HECW1: variants seen among roughly 807,000 people sequenced by gnomAD.
HECW1 encodes E3 ubiquitin-protein ligase HECW1.
A neutral mutation model predicts 182.3 loss-of-function variants in HECW1; 61 were observed. The ratio of observed to expected loss-of-function variants is 0.33; its 90% CI spans 0.27 to 0.41. The LOEUF (loss-of-function observed/expected upper bound fraction) is 0.41, where lower values mean the gene tolerates loss of function less well. Among genes scored for constraint, HECW1 ranks in the 10% least tolerant of loss-of-function variants. HECW1 has a pLI of 1.00. For synonymous variants in HECW1, 859 were observed against 832.6 expected, an observed-to-expected ratio of 1.03 and a Z score of -0.55; for missense variants, 1,739 against 2,108.9, an observed-to-expected ratio of 0.82 and a Z score of 3.44.
At chr7:43,196,561 G>T (rs1794477754) in intron 2 of HECW1, among the ~76,000 whole-genome samples, 1 of 152,222 alleles carries the variant, frequency 6.6e-6, no homozygotes, top group African/African-American at 2.4e-5. Context: ...GAGGGTAACT[G>T]CATATGCATG....
chr7:43,391,895 G>A (rs1303777189), intron 6 of HECW1, among the ~76,000 whole-genome samples: 1 of 152,054 alleles, frequency 6.6e-6, no homozygotes, highest in African/African-American at 2.4e-5. Flanking sequence ...TTTTAGTTTT[G>A]TTTCTTGCTC....
chr7:43,535,704 G>A (rs6972237), intron 24 of HECW1, among the ~76,000 whole-genome samples: 4,440 of 152,294 alleles, frequency 0.029, 218 homozygotes, highest in African/African-American at 0.1. Context: ...GTACTGTACC[G>A]TGGTGGGAAC....
chr7:43,499,013 G>T (rs2079226117), intron 19 of HECW1, among the ~76,000 whole-genome samples: 1 of 152,104 alleles, frequency 6.6e-6, no homozygotes, highest in African/African-American at 2.4e-5. Context: ...AGGCTCAGTG[G>T]CTAAAGCCTG....
intron 3 of HECW1, among the ~76,000 whole-genome samples, chr7:43,280,380 T>C (rs993800516): frequency 6.6e-6 from 1 of 152,152 alleles, no homozygotes; most frequent in African/African-American, 2.4e-5. Context: ...AAATTTACTC[T>C]AGGAAATAGC....
intron 2 of HECW1, among the ~76,000 whole-genome samples, chr7:43,232,177 T>A (rs893563741): frequency 6.6e-6 from 1 of 152,038 alleles, no homozygotes; most frequent in African/African-American, 2.4e-5. Context: ...CCTGGTTGAT[T>A]GGGATAGTTT....
intron 2 of HECW1, among the ~76,000 whole-genome samples, chr7:43,190,657 A>G (rs573406553): frequency 7.2e-5 from 11 of 152,332 alleles, no homozygotes; most frequent in African/African-American, 2.4e-4. Context: ...TTGCTGCTAA[A>G]GGAAAGATTG....
At chr7:43,334,517 T>A (rs3886968) in intron 5 of HECW1, among the ~76,000 whole-genome samples, 1 of 152,044 alleles carries the variant, frequency 6.6e-6, no homozygotes, top group Non-Finnish European at 1.5e-5. Context: ...CCCTTATCCG[T>A]TGCAGCAGCT....
chr7:43,337,049 G>A (rs889870861), intron 5 of HECW1, among the ~76,000 whole-genome samples: 1 of 152,106 alleles, frequency 6.6e-6, no homozygotes, highest in Admixed American at 6.5e-5. Context: ...TTTCCTTTGG[G>A]TAGGTACCTA....
chr7:43,477,068 G>A (rs1339857593), intron 16 of HECW1, among the ~76,000 whole-genome samples: 2 of 152,052 alleles, frequency 1.3e-5, no homozygotes, highest in Non-Finnish European at 2.9e-5. Flanking sequence ...AGGAAGGAAT[G>A]ACTAATTAGC....
At chr7:43,262,355 C>A (rs1801275847) in intron 3 of HECW1, among the ~76,000 whole-genome samples, 1 of 152,050 alleles carries the variant, frequency 6.6e-6, no homozygotes, top group Non-Finnish European at 1.5e-5. Flanking sequence ...ATATCAGCCA[C>A]TTTATAGATT....
chr7:43,397,854 A>T (rs1207875387), intron 7 of HECW1, among the ~76,000 whole-genome samples: 1 of 108,444 alleles, frequency 9.2e-6, no homozygotes, highest in Non-Finnish European at 2.5e-5. Flanking sequence ...TTGGGCTCAG[A>T]TGCCTGACAA....
chr7:43,355,726 T>C (rs1376658376), intron 5 of HECW1, among the ~76,000 whole-genome samples: 1 of 152,066 alleles, frequency 6.6e-6, no homozygotes, highest in Non-Finnish European at 1.5e-5. Context: ...GCACAGTAGC[T>C]CATGCCTGAA....
At chr7:43,227,926 C>A (rs1356567815) in intron 2 of HECW1, among the ~76,000 whole-genome samples, 1 of 152,168 alleles carries the variant, frequency 6.6e-6, no homozygotes, top group African/African-American at 2.4e-5. Context: ...ATGTTATTCA[C>A]ATGCACCCAA....
At chr7:43,183,343 A>T (rs544892063) in intron 2 of HECW1, among the ~76,000 whole-genome samples, 1 of 152,206 alleles carries the variant, frequency 6.6e-6, no homozygotes, top group Admixed American at 6.5e-5. Flanking sequence ...TTCCTCCCTT[A>T]TTCCTAGTTT....
chr7:43,408,685 C>A (rs1243990678), intron 8 of HECW1, among the ~76,000 whole-genome samples: 2 of 151,970 alleles, frequency 1.3e-5, no homozygotes, highest in Admixed American at 1.3e-4. Context: ...GACCCTGTCT[C>A]TAAAAAAGAA....
rs764967892 is a variant in HECW1 at position 43,445,080 on chromosome 7, C to T, written c.1908C>T (p.His636=). Residue 636 remains histidine, a synonymous_variant, in exon 11 of 30, where the codon CAC becomes CAT. Transcript: ENST00000395891. The stretch of plus-strand genomic sequence containing the variant: ...CGCACCCTGGCCACTCCGGGGGCCA[C>T]TTCCCCAGCCTGGCCAATGGCGCGG... ...GTAHPGHSGG[H]FPSLANGAAQ... is the part of the protein sequence containing the mutation. 1.9e-6 allele frequency: 3 copies of T among 1,600,666 alleles called. No homozygotes were observed. The highest frequency in any genetic ancestry group is 2.6e-6 in the Non-Finnish European group (3 of 1,174,626).
intron 2 of HECW1, among the ~76,000 whole-genome samples, chr7:43,155,919 A>G (rs896969505): frequency 9.2e-5 from 14 of 152,216 alleles, no homozygotes; most frequent in African/African-American, 3.4e-4. Context: ...TTGTTCATGG[A>G]CAGAACCACT....
chr7:43,525,575 T>C (rs2080724685), intron 24 of HECW1, among the ~76,000 whole-genome samples: 1 of 152,072 alleles, frequency 6.6e-6, no homozygotes, highest in Non-Finnish European at 1.5e-5. Flanking sequence ...ATAGCGCAGC[T>C]GAAAAAAGTA....
At chr7:43,278,418 G>A (rs1296740799) in intron 3 of HECW1, among the ~76,000 whole-genome samples, 1 of 152,036 alleles carries the variant, frequency 6.6e-6, no homozygotes, top group Non-Finnish European at 1.5e-5. Flanking sequence ...CTAGCAAGCG[G>A]CAGCTCCCCC....
Sources: allele counts gnomAD v4.1 joint callset (sites outside exome capture counted in the v4.1 genomes callset), GRCh38; gene constraint gnomAD v4.1.1; transcripts MANE v1.5; gene names NCBI Gene and HGNC (gene_info 2026-07-23, HGNC 2026-07-21).